Variants in PTPRD observed in about 807,000 individuals in gnomAD.
PTPRD encodes the protein receptor-type tyrosine-protein phosphatase delta.
A neutral mutation model predicts 214.5 loss-of-function variants in PTPRD; 34 were observed. That is an observed-to-expected ratio of 0.16 (90% confidence interval 0.12 to 0.21). The LOEUF (loss-of-function observed/expected upper bound fraction) is 0.21. Among genes scored for constraint, PTPRD ranks in the 10% least tolerant of loss-of-function variants. The pLI, the probability that PTPRD is intolerant of heterozygous loss-of-function variation, is 1.00. For missense variants in PTPRD, 2,545 were observed against 2,398.7 expected (o/e 1.06, Z -1.27); for synonymous variants, 1,128 against 845.7 (o/e 1.33, Z -5.79).
chr9:8,774,984 T>C (rs766923633), intron 11 of PTPRD, among the ~76,000 whole-genome samples: 7 of 152,144 alleles, frequency 4.6e-5, no homozygotes, highest in African/African-American at 7.2e-5. Flanking sequence ...CACCCTGTAC[T>C]AGGGATGGCA....
At chr9:9,771,622 C>T (rs775771660) in intron 5 of PTPRD, among the ~76,000 whole-genome samples, 1 of 152,120 alleles carries the variant, frequency 6.6e-6, no homozygotes. Context: ...TTTTTTCAAC[C>T]TATCTTGGAG....
intron 2 of PTPRD, among the ~76,000 whole-genome samples, chr9:10,534,020 A>G (rs2057136018): frequency 6.6e-6 from 1 of 151,476 alleles, no homozygotes; most frequent in Non-Finnish European, 1.5e-5. Flanking sequence ...TCCTTTTTCA[A>G]TATTCATAGT....
chr9:8,668,707 CTG>C (rs1419362255), intron 12 of PTPRD, among the ~76,000 whole-genome samples: 1 of 152,148 alleles, frequency 6.6e-6, no homozygotes, highest in African/African-American at 2.4e-5. Flanking sequence ...TGTATATGCA[CTG>C]TGTTAAGTGA....
intron 3 of PTPRD, among the ~76,000 whole-genome samples, chr9:10,335,541 T>C (rs1038569867): frequency 3.3e-5 from 5 of 151,648 alleles, no homozygotes; most frequent in African/African-American, 1.2e-4. Flanking sequence ...GGTTTGATGA[T>C]GACATTAGAT....
chr9:9,349,078 AGAG>A (rs1444485766), intron 9 of PTPRD, among the ~76,000 whole-genome samples: 5 of 152,058 alleles, frequency 3.3e-5, no homozygotes, highest in African/African-American at 1.2e-4. Flanking sequence ...GCCATTGTGA[AGAG>A]GAGATCCATT....
intron 2 of PTPRD, among the ~76,000 whole-genome samples, chr9:10,497,608 A>G (rs1183482870): frequency 6.6e-6 from 1 of 152,072 alleles, no homozygotes; most frequent in Admixed American, 6.6e-5. Flanking sequence ...TTTATGGTGC[A>G]AGGATTAATC....
chr9:10,205,906 T>C (rs1056621828), intron 3 of PTPRD, among the ~76,000 whole-genome samples: 2 of 152,142 alleles, frequency 1.3e-5, no homozygotes, highest in Non-Finnish European at 2.9e-5. Flanking sequence ...TTGAATGGCA[T>C]GTGCCTTTTC....
intron 3 of PTPRD, among the ~76,000 whole-genome samples, chr9:10,049,436 A>AAAG (rs1350772464): frequency 0.15 from 19,341 of 130,584 alleles, 1,637 homozygotes; most frequent in East Asian, 0.46. Context: ...AGAAAGAAAG[A>AAAG]AAAGAAAAAA....
intron 3 of PTPRD, among the ~76,000 whole-genome samples, chr9:10,187,830 G>A (rs1263937365): frequency 2.6e-5 from 4 of 152,114 alleles, no homozygotes; most frequent in Non-Finnish European, 4.4e-5. Flanking sequence ...TCCCCCACCT[G>A]GTCTAACCTA....
At chr9:10,480,938 A>T (rs1006692789) in intron 2 of PTPRD, among the ~76,000 whole-genome samples, 1 of 152,122 alleles carries the variant, frequency 6.6e-6, no homozygotes, top group Non-Finnish European at 1.5e-5. Flanking sequence ...CTGTAATAAG[A>T]TTGGAACTTG....
At chr9:8,531,675 G>C (rs1460313793) in intron 14 of PTPRD, among the ~76,000 whole-genome samples, 1 of 151,986 alleles carries the variant, frequency 6.6e-6, no homozygotes, top group Non-Finnish European at 1.5e-5. Context: ...TGGTGTTTAA[G>C]TACTAGTTAC....
rs1598292180 is a variant in PTPRD, at chr9:8,733,721, C to G, written c.64+59G>C. 23 of 1,532,092 alleles carry G rather than the reference C, an allele frequency of 1.5e-5. No homozygotes were observed. The South Asian group carries it at 2.7e-4, about 18-fold the overall frequency. 94.9% of individuals were successfully genotyped at this position (1,532,092 alleles called of 1,614,324 possible). A position where few individuals can be genotyped will look rare whatever the true frequency, so the allele number is the denominator to read the frequency against. ...TCAGAGGCCCTGAGCCTGGTGCCAACTGCAAACAAAACCACTCATTATGGT... is the reference window on the plus strand; with the variant it reads ...TCAGAGGCCCTGAGCCTGGTGCCAAGTGCAAACAAAACCACTCATTATGGT... On this transcript the variant is annotated intron_variant, in intron 12 of 45. Transcript: ENST00000381196.
intron 5 of PTPRD, among the ~76,000 whole-genome samples, chr9:9,839,276 A>G (rs2057683444): frequency 6.6e-6 from 1 of 152,160 alleles, no homozygotes; most frequent in Non-Finnish European, 1.5e-5. Context: ...CTGTTTGCAG[A>G]TGACATGATT....
chr9:10,100,440 A>G (rs1032082520), intron 3 of PTPRD, among the ~76,000 whole-genome samples: 4 of 151,674 alleles, frequency 2.6e-5, no homozygotes, highest in African/African-American at 7.3e-5. Flanking sequence ...TTCTCCAGGT[A>G]GAGAAGGCAA....
At chr9:9,820,612 T>C (rs1248369660) in intron 5 of PTPRD, among the ~76,000 whole-genome samples, 1 of 152,190 alleles carries the variant, frequency 6.6e-6, no homozygotes. Context: ...TTCTTGTGGT[T>C]TGAGGTCTTA....
intron 14 of PTPRD, among the ~76,000 whole-genome samples, chr9:8,582,150 C>A (rs958306343): frequency 5.9e-5 from 9 of 152,002 alleles, no homozygotes; most frequent in African/African-American, 2.2e-4. Context: ...TGCTATGAGA[C>A]AGAGGCAGTA....
chr9:10,108,548 T>C (rs2098658177), intron 3 of PTPRD, among the ~76,000 whole-genome samples: 1 of 151,726 alleles, frequency 6.6e-6, no homozygotes, highest in Non-Finnish European at 1.5e-5. Context: ...AGGTACCATA[T>C]ATAAATGAGC....
intron 3 of PTPRD, among the ~76,000 whole-genome samples, chr9:10,060,953 T>TTC (rs2097768296): frequency 1.4e-4 from 20 of 141,686 alleles, no homozygotes; most frequent in African/African-American, 3.6e-4. Context: ...TCTTTCTTTC[T>TTC]CTCTCTTCCT....
chr9:10,358,461 A>G (rs149662067), intron 2 of PTPRD, among the ~76,000 whole-genome samples: 711 of 152,084 alleles, frequency 4.7e-3, no homozygotes, highest in Non-Finnish European at 6.9e-3. Flanking sequence ...CTAATTACAA[A>G]TATTAGACAG....
Sources: allele counts gnomAD v4.1 joint callset (sites outside exome capture counted in the v4.1 genomes callset), GRCh38; gene constraint gnomAD v4.1.1; transcripts MANE v1.5; gene names NCBI Gene and HGNC (gene_info 2026-07-23, HGNC 2026-07-21).